RALGPS1: variants seen among roughly 807,000 people sequenced by gnomAD.
RALGPS1 encodes the protein Ral GEF with PH domain and SH3 binding motif 1.
RALGPS1 carries 19 observed loss-of-function variants against 78.8 expected under a neutral mutation model. The ratio of observed to expected loss-of-function variants is 0.24; its 90% CI spans 0.17 to 0.35. The LOEUF is 0.35. RALGPS1 is among the 10% of genes least tolerant of loss of function. The pLI is 1.00. For missense variants in RALGPS1, 454 were observed against 688.3 expected (o/e 0.66, Z 3.81); for synonymous variants, 228 against 256.3 (o/e 0.89, Z 1.06).
intron 1 of RALGPS1, among the ~76,000 whole-genome samples, chr9:126,954,767 A>C (rs918990054): frequency 6.6e-6 from 1 of 152,142 alleles, no homozygotes; most frequent in Non-Finnish European, 1.5e-5. Context: ...GCGCCACTGC[A>C]CTCCAGCCTG....
At chr9:127,095,835 G>C (rs1161288798) in intron 8 of RALGPS1, among the ~76,000 whole-genome samples, 2 of 152,228 alleles carry the variant, frequency 1.3e-5, no homozygotes, top group African/African-American at 2.4e-5. Flanking sequence ...CAGGTGGGCT[G>C]TTCCTGAGGA....
intron 13 of RALGPS1, 77 bp downstream of exon 13, chr9:127,196,708 A>T: frequency 1.4e-6 from 2 of 1,460,492 alleles, no homozygotes; most frequent in East Asian, 4.7e-5. Flanking sequence ...TCTCTGTGTC[A>T]CTGTGCCATG....
chr9:127,044,666 G>A (rs1165532642), intron 5 of RALGPS1, among the ~76,000 whole-genome samples: 2 of 152,122 alleles, frequency 1.3e-5, no homozygotes, highest in Non-Finnish European at 2.9e-5. Flanking sequence ...GAGTATGAAT[G>A]ATCTTGTCAC....
chr9:127,060,020 T>C (rs2135585530), intron 7 of RALGPS1, among the ~76,000 whole-genome samples: 1 of 152,260 alleles, frequency 6.6e-6, no homozygotes, highest in Non-Finnish European at 1.5e-5. Context: ...AAAAATAAAG[T>C]GCTCTCAGAG....
chr9:127,024,554 A>T (rs184103966), intron 4 of RALGPS1, among the ~76,000 whole-genome samples: 1 of 151,716 alleles, frequency 6.6e-6, no homozygotes, highest in Admixed American at 6.6e-5. Context: ...AAAGTTGAAA[A>T]CCATCAAACA....
intron 8 of RALGPS1, among the ~76,000 whole-genome samples, chr9:127,070,189 G>C (rs1458373097): frequency 1.3e-5 from 2 of 152,198 alleles, no homozygotes; most frequent in Non-Finnish European, 2.9e-5. Context: ...GTTCACAGTA[G>C]GGTTCGCGCT....
intron 7 of RALGPS1, among the ~76,000 whole-genome samples, chr9:127,061,358 TTGC>T (rs2135630743): frequency 6.6e-6 from 1 of 152,356 alleles, no homozygotes. Flanking sequence ...TCTTTTCGAT[TTGC>T]TGTTCATGCT....
chr9:126,915,195 G>C (rs3118833), intron 1 of RALGPS1, among the ~76,000 whole-genome samples: 3,882 of 144,824 alleles, frequency 0.027, 49 homozygotes, highest in Middle Eastern at 0.049. Flanking sequence ...GCCGGGGTCC[G>C]GGGGTTCTGG....
At chr9:126,965,207 C>G (rs753439578) in intron 2 of RALGPS1, among the ~76,000 whole-genome samples, 3 of 152,158 alleles carry the variant, frequency 2.0e-5, no homozygotes, top group Non-Finnish European at 4.4e-5. Flanking sequence ...TTCACAACAG[C>G]CTCTAAAGCC....
intron 8 of RALGPS1, among the ~76,000 whole-genome samples, chr9:127,081,203 T>C (rs1030632012): frequency 3.3e-5 from 5 of 151,834 alleles, no homozygotes; most frequent in African/African-American, 4.8e-5. Flanking sequence ...GTTTTATTTA[T>C]GCTAAAATGA....
chr9:127,202,260 A>G (rs2061673972), intron 14 of RALGPS1, among the ~76,000 whole-genome samples: 1 of 152,232 alleles, frequency 6.6e-6, no homozygotes, highest in Non-Finnish European at 1.5e-5. Context: ...GTCAGCAGGC[A>G]GGCAGGAGTT....
chr9:126,961,693 G>T (rs1450000512), intron 1 of RALGPS1, among the ~76,000 whole-genome samples: 1 of 152,198 alleles, frequency 6.6e-6, no homozygotes, highest in African/African-American at 2.4e-5. Flanking sequence ...CAACTCGGGA[G>T]ACTGAGGTGG....
At chr9:127,210,471 C>G (rs527249004) in intron 14 of RALGPS1, 4 of 570,802 alleles carry the variant, frequency 7.0e-6, no homozygotes. Flanking sequence ...GAAAGAATTA[C>G]GCGGAGACTT....
chr9:126,952,076 A>G (rs2037876824), intron 1 of RALGPS1, among the ~76,000 whole-genome samples: 1 of 152,250 alleles, frequency 6.6e-6, no homozygotes, highest in African/African-American at 2.4e-5. Flanking sequence ...ATTGCTTCAA[A>G]GAGAATAAAG....
intron 8 of RALGPS1, among the ~76,000 whole-genome samples, chr9:127,104,000 A>G (rs1373902823): frequency 1.3e-5 from 2 of 152,160 alleles, no homozygotes; most frequent in East Asian, 3.8e-4. Flanking sequence ...GAACCTCAAT[A>G]TCCTGCAAGG....
chr9:126,964,391 A>T (rs1414116745), intron 2 of RALGPS1, among the ~76,000 whole-genome samples: 3 of 149,370 alleles, frequency 2.0e-5, no homozygotes, highest in Non-Finnish European at 4.5e-5. Flanking sequence ...AAAAAAAGCC[A>T]TGCCTGAGCT....
At chr9:127,191,522 CT>C (rs1261607679) in intron 11 of RALGPS1, among the ~76,000 whole-genome samples, 1 of 152,138 alleles carries the variant, frequency 6.6e-6, no homozygotes, top group Non-Finnish European at 1.5e-5. Flanking sequence ...TTTGTATTCA[CT>C]GAACTGTGTC....
At chr9:126,920,946 G>A (rs1020235175) in intron 1 of RALGPS1, among the ~76,000 whole-genome samples, 2 of 152,230 alleles carry the variant, frequency 1.3e-5, no homozygotes, top group Admixed American at 6.5e-5. Context: ...CCATGGGCAG[G>A]TGTCTTCCCA....
intron 3 of RALGPS1, among the ~76,000 whole-genome samples, chr9:126,975,632 A>G (rs2040534305): frequency 2.6e-5 from 4 of 152,166 alleles, no homozygotes; most frequent in Admixed American, 2.0e-4. Flanking sequence ...AACCATCTTG[A>G]TGGATCTGGC....
Sources: gnomAD v4.1 joint callset for allele counts (sites outside exome capture counted in the v4.1 genomes callset) on GRCh38, gnomAD v4.1.1 for gene constraint, MANE v1.5 for transcripts, NCBI Gene and HGNC (gene_info 2026-07-23, HGNC 2026-07-21) for gene names.